CHSY3: variants seen among roughly 807,000 people sequenced by gnomAD.
The protein encoded by CHSY3 is N-acetylgalactosaminyl-proteoglycan 3-beta-glucuronosyltransferase 3.
Under a neutral mutation model 67.2 loss-of-function variants are expected in CHSY3, and 35 were observed. That is an observed-to-expected ratio of 0.52 (90% CI 0.40 to 0.69). CHSY3 has a LOEUF of 0.69. CHSY3 is among the 30% of genes least tolerant of loss of function. CHSY3 has a pLI of 0.00. For missense variants in CHSY3, 1,069 were observed against 1,138.5 expected (o/e 0.94, Z 0.88); for synonymous variants, 474 against 434.7 (o/e 1.09, Z -1.12).
chr5:130,184,329 A>G lies in CHSY3; in HGVS notation c.1187A>G (p.Asn396Ser). Residue 396 changes from asparagine (N) to serine (S), a missense_variant, in exon 3 of 3, where the codon AAC becomes AGC. Asn to Ser is a conservative substitution (Grantham distance 46). Coordinates refer to ENST00000305031, the MANE Select transcript of CHSY3 (RefSeq NM_175856.5). The part of the protein sequence containing the change: ...KIHAAITLHP[N>S]KRPAYQYRLH... ...CATGCAGCCATAACACTTCATCCCAACAAAAGGCCTGCATACCAATACAGG... is the reference window on the plus strand; with the variant it reads ...CATGCAGCCATAACACTTCATCCCAGCAAAAGGCCTGCATACCAATACAGG... 3 of 1,614,104 alleles carry G rather than the reference A, an allele frequency of 1.9e-6. No homozygotes were observed. The highest frequency in any genetic ancestry group is 1.6e-4 in the Middle Eastern group (1 of 6,062).
intron 2 of CHSY3, among the ~76,000 whole-genome samples, chr5:129,937,517 T>G (rs1761539595): frequency 6.6e-6 from 1 of 152,052 alleles, no homozygotes; most frequent in African/African-American, 2.4e-5. Context: ...TTCTCACATT[T>G]TAAAACACAA....
intron 2 of CHSY3, among the ~76,000 whole-genome samples, chr5:129,988,356 C>A (rs1763264119): frequency 6.6e-6 from 1 of 152,172 alleles, no homozygotes; most frequent in Admixed American, 6.5e-5. Flanking sequence ...TTTTCTTCTA[C>A]CTTCCTTACA....
chr5:130,071,353 A>G (rs896686626), intron 2 of CHSY3, among the ~76,000 whole-genome samples: 1 of 152,080 alleles, frequency 6.6e-6, no homozygotes, highest in Non-Finnish European at 1.5e-5. Flanking sequence ...TGCAAAATAA[A>G]TTTTCAAACC....
chr5:130,112,897 C>T (rs535795151), intron 2 of CHSY3, among the ~76,000 whole-genome samples: 4 of 152,202 alleles, frequency 2.6e-5, no homozygotes, highest in Admixed American at 2.6e-4. Context: ...ATGCCATTTT[C>T]ACTCCGTTTC....
chr5:130,097,940 C>T (rs1005615316), intron 2 of CHSY3, among the ~76,000 whole-genome samples: 17 of 152,112 alleles, frequency 1.1e-4, no homozygotes, highest in Admixed American at 9.8e-4. Context: ...GGAGGCAGAG[C>T]TTGCAGTGAG....
chr5:129,940,539 A>C (rs1039394580), intron 2 of CHSY3, among the ~76,000 whole-genome samples: 1 of 152,176 alleles, frequency 6.6e-6, no homozygotes, highest in African/African-American at 2.4e-5. Flanking sequence ...GTAGATTCCT[A>C]AATATGTAAA....
intron 2 of CHSY3, among the ~76,000 whole-genome samples, chr5:130,138,675 A>T (rs988325905): frequency 1.3e-5 from 2 of 152,220 alleles, no homozygotes; most frequent in Non-Finnish European, 1.5e-5. Flanking sequence ...CAAGGATAAT[A>T]TAAAGATAAT....
chr5:130,166,121 T>C (rs1387231033), intron 2 of CHSY3, among the ~76,000 whole-genome samples: 1 of 152,176 alleles, frequency 6.6e-6, no homozygotes, highest in Admixed American at 6.5e-5. Context: ...AGCTCATTGA[T>C]TGTACTAATT....
At chr5:130,052,710 TA>T (rs1765402015) in intron 2 of CHSY3, among the ~76,000 whole-genome samples, 1 of 152,188 alleles carries the variant, frequency 6.6e-6, no homozygotes, top group Admixed American at 6.6e-5. Flanking sequence ...CTATGTCTTT[TA>T]TCCAAGGCTT....
intron 2 of CHSY3, among the ~76,000 whole-genome samples, chr5:129,914,121 T>G (rs1444549835): frequency 6.6e-5 from 10 of 152,146 alleles, no homozygotes; most frequent in Non-Finnish European, 1.5e-4. Flanking sequence ...AATTTCCCTT[T>G]TTTTTTGACA....
Position 130,067,701 on chromosome 5 carries a change from A to C in CHSY3, c.1087-116528A>C, listed in dbSNP as rs1405784239. 3.3e-5 allele frequency among the ~76,000 whole-genome samples: 5 copies of C among 152,262 alleles called. No individual in the cohort carries two copies. The East Asian group carries it at 9.7e-4, about 29-fold the overall frequency. On this transcript the variant is annotated intron_variant, in intron 2 of 2. Coordinates refer to ENST00000305031, the MANE Select transcript of CHSY3 (RefSeq NM_175856.5). ...CAGTAAGATGAGAATAGGTTAGAAC[A>C]AGAAGGTGAAAGGAATGTTTAGGGT...
intron 2 of CHSY3, among the ~76,000 whole-genome samples, chr5:129,932,898 T>C (rs1489813419): frequency 6.6e-6 from 1 of 152,096 alleles, no homozygotes; most frequent in Non-Finnish European, 1.5e-5. Flanking sequence ...AATAAAGGAA[T>C]GTTGACTGGC....
At chr5:130,020,454 TATATA>T (rs1764350284) in intron 2 of CHSY3, among the ~76,000 whole-genome samples, 1 of 2,494 alleles carries the variant, frequency 4.0e-4, no homozygotes, top group African/African-American at 9.4e-4. Context: ...TATATATATA[TATATA>T]TATTTTTTTT....
intron 2 of CHSY3, among the ~76,000 whole-genome samples, chr5:130,033,147 A>C (rs189258065): frequency 6.6e-6 from 1 of 152,352 alleles, no homozygotes; most frequent in East Asian, 1.9e-4. Context: ...GGATATCTCC[A>C]TTTGTAAAAG....
chr5:129,946,111 G>A (rs1416397000), intron 2 of CHSY3, among the ~76,000 whole-genome samples: 2 of 152,122 alleles, frequency 1.3e-5, no homozygotes, highest in African/African-American at 4.8e-5. Context: ...TCACCTTTCT[G>A]AATATTCTTA....
At chr5:129,936,422 C>A (rs905761477) in intron 2 of CHSY3, among the ~76,000 whole-genome samples, 1 of 151,920 alleles carries the variant, frequency 6.6e-6, no homozygotes, top group African/African-American at 2.4e-5. Flanking sequence ...TGGGTCAGCC[C>A]CTATCTAGTG....
chr5:130,182,170 G>A (rs2149737745), intron 2 of CHSY3, among the ~76,000 whole-genome samples: 1 of 152,092 alleles, frequency 6.6e-6, no homozygotes, highest in South Asian at 2.1e-4. Flanking sequence ...ACAATGCACA[G>A]TATTATCTAT....
Position 129,905,464 on chromosome 5 carries a change from C to A in CHSY3, c.635C>A (p.Pro212His), listed in dbSNP as rs752032748. The change falls in exon 1 of 3, where the codon CCC (proline) becomes CAC (histidine). Residue 212 changes from proline to histidine, a missense_variant. By Grantham distance (77) the Pro-to-His change is moderately conservative. Around this residue, in one of 5 missense-constraint regions of CHSY3, gnomAD observed 216 missense variants for 311.5 expected, o/e 0.69. Coordinates refer to ENST00000305031, the MANE Select transcript of CHSY3 (RefSeq NM_175856.5). ...RVEFFSSQQP[P>H]NAGQPPPPLP... is the part of the protein sequence containing the mutation. Reference sequence around the variant, plus strand: ...GAGTTCTTTTCCAGCCAGCAGCCCCCCAACGCCGGCCAGCCCCCGCCACCC... The same window carrying A: ...GAGTTCTTTTCCAGCCAGCAGCCCCACAACGCCGGCCAGCCCCCGCCACCC... The A allele has an allele frequency of 6.2e-7, 1 of 1,612,796 alleles. No individual in the cohort carries two copies. Among genetic ancestry groups the A allele is most frequent in the Non-Finnish European group, 8.5e-7 (1 of 1,180,002 alleles).
At chr5:130,089,862 T>A (rs1380122333) in intron 2 of CHSY3, among the ~76,000 whole-genome samples, 1 of 152,216 alleles carries the variant, frequency 6.6e-6, no homozygotes, top group African/African-American at 2.4e-5. Flanking sequence ...TGGAAGCTTA[T>A]TACTGTCAGC....
Sources: gnomAD v4.1 joint callset for allele counts (sites outside exome capture counted in the v4.1 genomes callset) on GRCh38, gnomAD v4.1.1 for gene constraint, gnomAD v4.1.1 regional missense constraint, MANE v1.5 for transcripts, NCBI Gene and HGNC (gene_info 2026-07-23, HGNC 2026-07-21) for gene names.